SEMA3A: variants seen among roughly 807,000 people sequenced by gnomAD.
SEMA3A encodes the protein semaphorin 3A, also known as semaphorin-3A.
SEMA3A carries 29 observed loss-of-function variants against 97.9 expected under a neutral mutation model. That is an observed-to-expected ratio of 0.30 (90% CI 0.22 to 0.40). The LOEUF is 0.40. SEMA3A is among the 10% of genes least tolerant of loss of function. The pLI, the probability that SEMA3A is intolerant of heterozygous loss-of-function variation, is 1.00. For missense variants in SEMA3A, 763 were observed against 951.3 expected, an observed-to-expected ratio of 0.80 and a Z score of 2.60; for synonymous variants, 321 against 323.7, an observed-to-expected ratio of 0.99 and a Z score of 0.09.
intron 3 of SEMA3A, among the ~76,000 whole-genome samples, chr7:84,209,887 T>C (rs116219104): frequency 1.0e-3 from 158 of 152,252 alleles, no homozygotes; most frequent in African/African-American, 3.5e-3. Context: ...TTAAAAATAA[T>C]TGGTATGCTG....
chr7:84,262,532 C>T (rs1799883292), intron 3 of SEMA3A, among the ~76,000 whole-genome samples: 1 of 152,098 alleles, frequency 6.6e-6, no homozygotes, highest in African/African-American at 2.4e-5. Context: ...TTCAATCATA[C>T]TAATATATTT....
chr7:84,277,573 T>A (rs1800336422), intron 3 of SEMA3A, among the ~76,000 whole-genome samples: 1 of 152,104 alleles, frequency 6.6e-6, no homozygotes, highest in Non-Finnish European at 1.5e-5. Flanking sequence ...AATGATGTTG[T>A]GTTAGTCCAT....
At chr7:84,080,508 T>C (rs926954876) in intron 4 of SEMA3A, among the ~76,000 whole-genome samples, 1 of 152,028 alleles carries the variant, frequency 6.6e-6, no homozygotes, top group Admixed American at 6.6e-5. Flanking sequence ...TTTTGAGTAG[T>C]TGCAATTTTG....
intron 3 of SEMA3A, among the ~76,000 whole-genome samples, chr7:84,276,751 T>A (rs917267806): frequency 6.6e-5 from 10 of 152,240 alleles, no homozygotes; most frequent in African/African-American, 2.4e-4. Context: ...GCTCTTATTA[T>A]ACTTTAAGCA....
At chr7:84,201,735 C>T (rs972808175) in intron 3 of SEMA3A, among the ~76,000 whole-genome samples, 1 of 152,060 alleles carries the variant, frequency 6.6e-6, no homozygotes, top group Non-Finnish European at 1.5e-5. Context: ...TTTTCCTTTT[C>T]CTGTTGTATC....
At chr7:84,238,843 T>C (rs1799295090) in intron 3 of SEMA3A, among the ~76,000 whole-genome samples, 1 of 151,810 alleles carries the variant, frequency 6.6e-6, no homozygotes, top group Admixed American at 6.6e-5. Context: ...GCCTCCCGAG[T>C]AGCTGGGACT....
At chr7:84,051,921 G>T (rs1357083698) in intron 5 of SEMA3A, among the ~76,000 whole-genome samples, 6 of 150,100 alleles carry the variant, frequency 4.0e-5, no homozygotes, top group African/African-American at 1.5e-4. Context: ...TTAGCATGAA[G>T]GGTTGTTGAA....
intron 1 of SEMA3A, among the ~76,000 whole-genome samples, chr7:84,157,352 A>T (rs1796874841): frequency 6.6e-6 from 1 of 152,132 alleles, no homozygotes; most frequent in Admixed American, 6.5e-5. Flanking sequence ...TTGTTGAGAG[A>T]TGAATAACAT....
intron 2 of SEMA3A, among the ~76,000 whole-genome samples, chr7:84,312,905 TATATATATATATATATACAC>T (rs1454089529): frequency 0.015 from 823 of 55,856 alleles, 31 homozygotes; most frequent in Middle Eastern, 0.031. Flanking sequence ...TATATATATA[TATATATATATATATATACAC>T]ACACACACAC....
intron 1 of SEMA3A, among the ~76,000 whole-genome samples, chr7:84,460,406 A>G (rs1805799493): frequency 6.7e-6 from 1 of 148,298 alleles, no homozygotes; most frequent in Admixed American, 6.7e-5. Context: ...CAATTCTCAG[A>G]AAAAAAAAAC....
intron 3 of SEMA3A, among the ~76,000 whole-genome samples, chr7:84,238,521 T>C (rs1799287158): frequency 6.6e-6 from 1 of 152,108 alleles, no homozygotes; most frequent in Non-Finnish European, 1.5e-5. Flanking sequence ...AAATAATAGC[T>C]TATGAATAAA....
chr7:84,011,886 T>C lies in SEMA3A; in HGVS notation c.811-589A>G, dbSNP rs577427145. Among the ~76,000 whole-genome samples the C allele has an allele frequency of 3.3e-5, 5 of 152,224 alleles. No homozygotes were observed. In the South Asian group the frequency reaches 1.0e-3, roughly 32 times the overall value. The stretch of plus-strand genomic sequence containing the variant: ...AATTTATATAATCATAATTGTCAAT[T>C]TACAGTTTAAAAGCAAAAATCAAGA... On this transcript the variant is annotated intron_variant, in intron 7 of 16. Transcript: ENST00000265362.
chr7:84,018,236 C>T (rs1198246324), intron 6 of SEMA3A, among the ~76,000 whole-genome samples: 1 of 152,248 alleles, frequency 6.6e-6, no homozygotes, highest in Non-Finnish European at 1.5e-5. Flanking sequence ...ATTTCTCTTC[C>T]TTTCAGGGAA....
At chr7:84,118,634 G>T (rs1795506073) in intron 3 of SEMA3A, among the ~76,000 whole-genome samples, 1 of 152,152 alleles carries the variant, frequency 6.6e-6, no homozygotes, top group Non-Finnish European at 1.5e-5. Context: ...AAAGACATCA[G>T]TTTCTTCTTT....
intron 1 of SEMA3A, among the ~76,000 whole-genome samples, chr7:84,397,772 CCTT>C (rs1350292476): frequency 6.6e-6 from 1 of 151,946 alleles, no homozygotes; most frequent in African/African-American, 2.4e-5. Context: ...TCAGACAAAA[CCTT>C]CTAGGTAAGT....
At chr7:84,441,423 A>G (rs1361277429) in intron 1 of SEMA3A, among the ~76,000 whole-genome samples, 1 of 151,920 alleles carries the variant, frequency 6.6e-6, no homozygotes, top group African/African-American at 2.4e-5. Flanking sequence ...AATACTAGAG[A>G]GATTAAAAGT....
chr7:84,029,246 T>C (rs1261871908), intron 6 of SEMA3A, among the ~76,000 whole-genome samples: 1 of 152,238 alleles, frequency 6.6e-6, no homozygotes, highest in East Asian at 1.9e-4. Context: ...TGTGGTGTTT[T>C]CTAATGACTG....
intron 2 of SEMA3A, among the ~76,000 whole-genome samples, chr7:84,331,306 C>A (rs1801904011): frequency 1.3e-5 from 2 of 152,030 alleles, no homozygotes; most frequent in Non-Finnish European, 2.9e-5. Flanking sequence ...GAAATCAAGG[C>A]TTAATATTTT....
At position 84,266,376 on chromosome 7, in the gene SEMA3A, C is replaced by T. The variant is rs559066271; in HGVS notation, c.-83+40831G>A. On this transcript the variant is annotated intron_variant, in intron 3 of 3. Coordinates refer to the SEMA3A transcript ENST00000424555. ...AATTGTATCACAGTAGCAGAATAAA[C>T]AAGAGGCCATTTTAGCAATACAGAG... 2.6e-4 allele frequency among the ~76,000 whole-genome samples: 28 copies of T among 107,780 alleles called. No individual in the cohort carries two copies. The South Asian group carries it at 8.0e-3, about 31-fold the overall frequency. The allele number at this position is 107,780 out of a possible 152,430, so 70.7% of individuals were successfully genotyped here.
Sources: allele counts gnomAD v4.1 joint callset (sites outside exome capture counted in the v4.1 genomes callset), GRCh38; gene constraint gnomAD v4.1.1; transcripts MANE v1.5; gene names NCBI Gene and HGNC (gene_info 2026-07-23, HGNC 2026-07-21).